The following PRR35 variants were observed in gnomAD, a reference collection of about 807,000 sequenced individuals.
PRR35 encodes proline rich 35, also known as proline-rich protein 35.
PRR35 carries 14 observed loss-of-function variants against 18.6 expected under a neutral mutation model. The observed-to-expected ratio is 0.75, with a 90% confidence interval of 0.50 to 1.18. PRR35 has a LOEUF of 1.18. Among genes scored for constraint, PRR35 ranks in the 50% most tolerant of loss-of-function variants. The pLI, the probability that PRR35 is intolerant of heterozygous loss-of-function variation, is 0.00. For missense variants in PRR35, 832 were observed against 792.2 expected (o/e 1.05, Z -0.60); for synonymous variants, 425 against 378.2 (o/e 1.12, Z -1.43).
In PRR35 at chr16:565,204, C is replaced by T; in HGVS notation, c.1613C>T (p.Pro538Leu). 1 of 1,610,798 alleles carries T rather than the reference C, an allele frequency of 6.2e-7. No individual in the cohort carries two copies. The highest frequency in any genetic ancestry group is 8.5e-7 in the Non-Finnish European group (1 of 1,179,070). The change falls in exon 3 of 3, where the codon CCT becomes CTT. Residue 538 changes from proline to leucine, a missense_variant. Coordinates refer to ENST00000409413, the MANE Select transcript of PRR35 (RefSeq NM_145270.3). ...PGLPLAAPDD[P>L]VIPGSGWGTC... The stretch of plus-strand genomic sequence containing the variant: ...CTCCCCCTCGCAGCCCCAGATGACC[C>T]TGTCATTCCTGGCAGTGGCTGGGGC...
chr16:564,273 G>T lies in PRR35; in HGVS notation c.979G>T (p.Glu327Ter). The T allele has an allele frequency of 6.3e-7, 1 of 1,577,500 alleles. No individual in the cohort carries two copies. The highest frequency in any genetic ancestry group is 1.1e-5 in the South Asian group (1 of 87,166). Reference protein sequence around the residue: ...PRDPGQEGELERAAQSDPRRR... With the variant: ...PRDPGQEGEL ...GGACCCAGGGCAGGAGGGGGAGCTG[G>T]AGCGGGCAGCCCAGAGTGACCCCAG... Residue 327 changes from glutamate (E) to a stop codon, truncating the protein, a stop_gained, in exon 2 of 3, where the codon GAG becomes TAG. Transcript: ENST00000409413. LOFTEE classifies it high-confidence loss of function.
intron 2 of PRR35, 149 bp downstream of exon 2, chr16:564,525 C>T: frequency 7.1e-7 from 1 of 1,406,404 alleles, no homozygotes; most frequent in African/African-American, 1.4e-5. Context: ...GGAACTGAGA[C>T]CCGAGAGCCA....
chr16:564,195 C>A lies in PRR35; in HGVS notation c.901C>A (p.Leu301Met). ...CCCCTCTGGGACTCCGGCTCCTGGC[C>A]TGCTGAAGGTGCCAGTTCCAGGGCT... ...RSPSGTPAPG[L>M]LKVPVPGLGP... The change falls in exon 2 of 3, where the codon CTG becomes ATG. Residue 301 changes from leucine (L) to methionine (M), a missense_variant. Transcript: ENST00000409413. The A allele has an allele frequency of 6.4e-7, 1 of 1,565,568 alleles. No homozygotes were observed. Among genetic ancestry groups the A allele is most frequent in the Non-Finnish European group, 8.6e-7 (1 of 1,161,796 alleles).
At chr16:561,251 C>T in intron 1 of PRR35, among the ~76,000 whole-genome samples, 1 of 152,222 alleles carries the variant, frequency 6.6e-6, no homozygotes, top group Admixed American at 6.5e-5. Flanking sequence ...CCTCCGGGTC[C>T]CCAAGGGGTC....
chr16:563,223 C>T, intron 1 of PRR35, 33 bp from the exon 2 acceptor site: 1 of 1,472,752 alleles, frequency 6.8e-7, no homozygotes, highest in South Asian at 1.3e-5. Context: ...TAGTCAGAGG[C>T]AGGCTTGGCA....
chr16:561,219 A>C (rs1484882987), intron 1 of PRR35, among the ~76,000 whole-genome samples: 1 of 152,158 alleles, frequency 6.6e-6, no homozygotes, highest in Non-Finnish European at 1.5e-5. Context: ...CTGTGTACAC[A>C]CACCAGGTGG....
At position 560,436 on chromosome 16, in the gene PRR35, G is replaced by A; in HGVS notation, c.-265G>A. The A allele has an allele frequency of 3.1e-6, 3 of 983,068 alleles. No homozygotes were observed. The highest frequency in any genetic ancestry group is 2.4e-6 in the Non-Finnish European group (2 of 829,066). The allele number at this position is 983,068 out of a possible 1,614,324, so 60.9% of individuals were successfully genotyped here. On this transcript the variant is annotated 5_prime_UTR_variant, in exon 1 of 3. Transcript: ENST00000409413. Reference sequence around the variant, plus strand: ...GCGGCGTCGGGGGGACGCGGGCGGCGGCGGAGGCTGCGGGAGTCGCTGCCG... The same window carrying A: ...GCGGCGTCGGGGGGACGCGGGCGGCAGCGGAGGCTGCGGGAGTCGCTGCCG...
Position 564,085 on chromosome 16 carries a change from T to C in PRR35, c.791T>C (p.Leu264Pro). 2 of 1,436,594 alleles carry C rather than the reference T, an allele frequency of 1.4e-6. No homozygotes were observed. The highest frequency in any genetic ancestry group is 1.8e-6 in the Non-Finnish European group (2 of 1,092,074). The allele number at this position is 1,436,594 out of a possible 1,614,324, so 89.0% of individuals were successfully genotyped here. Residue 264 changes from leucine (L) to proline (P), a missense_variant, in exon 2 of 3, where the codon CTG (leucine) becomes CCG (proline). Physicochemically the swap from Leu to Pro is moderately conservative, Grantham distance 98. Around this residue, in one of 3 missense-constraint regions of PRR35, gnomAD observed 768 missense variants for 704.1 expected, o/e 1.09. Coordinates refer to ENST00000409413, the MANE Select transcript of PRR35 (RefSeq NM_145270.3). Reference protein sequence around the residue: ...PPQRPTPAPRLYYPLLLEHTL... With the variant: ...PPQRPTPAPRPYYPLLLEHTL... ...CAGCGCCCCACCCCGGCCCCCCGCC[T>C]GTACTACCCGCTGCTTCTGGAGCAC...
Position 565,242 on chromosome 16 carries a change from A to T in PRR35, c.1651A>T (p.Thr551Ser). 1.2e-6 allele frequency: 2 copies of T among 1,602,088 alleles called. No individual in the cohort carries two copies. The highest frequency in any genetic ancestry group is 1.7e-6 in the Non-Finnish European group (2 of 1,174,950). ...CAGTGGCTGGGGCACCTGTGTTGCG[A>T]CGAGGAGTTCCCAGACCCCTGAGGC... is the stretch of plus-strand genomic sequence containing the variant. ...PGSGWGTCVA[T>S]RSSQTPEAVC... The change falls in exon 3 of 3, where the codon ACG (threonine) becomes TCG (serine). Residue 551 changes from threonine to serine, a missense_variant. By Grantham distance (58) the Thr-to-Ser change is moderately conservative. Transcript: ENST00000409413.
chr16:565,482 G>A lies in PRR35; in HGVS notation c.*175G>A, dbSNP rs1439789900. 1.5e-5 allele frequency: 9 copies of A among 581,196 alleles called. No homozygotes were observed. The highest frequency in any genetic ancestry group is 2.2e-5 in the Non-Finnish European group (8 of 365,806). The allele number at this position is 581,196 out of a possible 1,614,324, so 36.0% of individuals were successfully genotyped here. On this transcript the variant is annotated 3_prime_UTR_variant, in exon 3 of 3. Transcript: ENST00000409413. ...CCACACAGGGACACTGGAGGTCACA[G>A]TTATTTATTGATCACAATTGTGGAC...
chr16:563,706 C>A lies in PRR35; in HGVS notation c.412C>A (p.Pro138Thr). ...CCCCAAGTCCAGGGCCAAGGGGTCC[C>A]CAGGGCCACCACCCCCTGTGGCTAG... Reference protein sequence around the residue: ...GGPKSRAKGSPGPPPPVARAT... With the variant: ...GGPKSRAKGSTGPPPPVARAT... Residue 138 changes from proline to threonine, a missense_variant, in exon 2 of 3, where the codon CCA (proline) becomes ACA (threonine). Around this residue, in one of 3 missense-constraint regions of PRR35, gnomAD observed 768 missense variants for 704.1 expected, o/e 1.09. Coordinates refer to ENST00000409413, the MANE Select transcript of PRR35 (RefSeq NM_145270.3). The A allele has an allele frequency of 6.5e-7, 1 of 1,549,910 alleles. No individual in the cohort carries two copies. Among genetic ancestry groups the A allele is most frequent in the East Asian group, 2.4e-5 (1 of 42,026 alleles).
At chr16:563,174 TG>T in intron 1 of PRR35, 81 bp from the exon 2 acceptor site, 1 of 1,331,154 alleles carries the variant, frequency 7.5e-7, no homozygotes, top group Non-Finnish European at 9.9e-7. Context: ...CTCCAGTCCC[TG>T]GAGCCTGGGG....
rs749140020 is a variant in PRR35 at position 564,149 on chromosome 16, G to A, written c.855G>A (p.Lys285=). 2.2e-5 allele frequency: 35 copies of A among 1,571,952 alleles called. No individual in the cohort carries two copies. In the East Asian group the frequency reaches 5.8e-4, roughly 26 times the overall value. ...GLPAGKAALA[K]APVSPRSPSG... is the part of the protein sequence containing the mutation. ...CAGCAGGCAAAGCTGCCCTTGCCAA[G>A]GCCCCTGTCTCCCCCAGGAGCCCCT... Residue 285 remains lysine, a synonymous_variant, in exon 2 of 3, where the codon AAG becomes AAA. Transcript: ENST00000409413.
Position 565,062 on chromosome 16 carries a change from C to T in PRR35, c.1471C>T (p.Pro491Ser). 1 of 1,593,436 alleles carries T rather than the reference C, an allele frequency of 6.3e-7. No homozygotes were observed. The highest frequency in any genetic ancestry group is 8.5e-7 in the Non-Finnish European group (1 of 1,170,112). ...GEAWGRPELG[P>S]VLTGGTPEPP... ...GGCGTGGGGGCGGCCCGAGCTGGGT[C>T]CCGTGTTGACCGGGGGCACCCCCGA... The change falls in exon 3 of 3, where the codon CCC (proline) becomes TCC (serine). Residue 491 changes from proline to serine, a missense_variant. Coordinates refer to ENST00000409413, the MANE Select transcript of PRR35 (RefSeq NM_145270.3).
intron 1 of PRR35, chr16:561,680 G>A: frequency 1.0e-6 from 1 of 961,298 alleles, no homozygotes; most frequent in Non-Finnish European, 1.2e-6. Context: ...CAGCCCTGTT[G>A]GTCGTCCCCC....
Position 563,757 on chromosome 16 carries a change from A to T in PRR35, c.463A>T (p.Ser155Cys). 1 of 1,509,054 alleles carries T rather than the reference A, an allele frequency of 6.6e-7. No homozygotes were observed. The highest frequency in any genetic ancestry group is 1.3e-5 in the South Asian group (1 of 79,204). 93.5% of individuals were successfully genotyped at this position (1,509,054 alleles called of 1,614,324 possible). Residue 155 changes from serine to cysteine, a missense_variant, in exon 2 of 3, where the codon AGT becomes TGT. Around this residue, in one of 3 missense-constraint regions of PRR35, gnomAD observed 768 missense variants for 704.1 expected, o/e 1.09. Coordinates refer to ENST00000409413, the MANE Select transcript of PRR35 (RefSeq NM_145270.3). The stretch of plus-strand genomic sequence containing the variant: ...GGCCACCCGGAAGGGTCCCGGCCCC[A>T]GTGGGCTCCTGCCTGAGTCGTGGAA... ...ARATRKGPGP[S>C]GLLPESWKPG... is the part of the protein sequence containing the mutation.
At chr16:564,547 C>A in intron 2 of PRR35, 127 bp from the exon 3 acceptor site, 1 of 1,399,258 alleles carries the variant, frequency 7.1e-7, no homozygotes, top group South Asian at 1.5e-5. Flanking sequence ...CGCGGGGGTC[C>A]TCGGGGTCTC....
At position 564,162 on chromosome 16, in the gene PRR35, C is replaced by T; in HGVS notation, c.868C>T (p.Pro290Ser). 2.6e-6 allele frequency: 4 copies of T among 1,565,900 alleles called. No individual in the cohort carries two copies. Among genetic ancestry groups the T allele is most frequent in the Non-Finnish European group, 3.4e-6 (4 of 1,162,832 alleles). ...KAALAKAPVS[P>S]RSPSGTPAPG... ...TGCCCTTGCCAAGGCCCCTGTCTCC[C>T]CCAGGAGCCCCTCTGGGACTCCGGC... Residue 290 changes from proline (P) to serine (S), a missense_variant, in exon 2 of 3, where the codon CCC (proline) becomes TCC (serine). Around this residue, in one of 3 missense-constraint regions of PRR35, gnomAD observed 768 missense variants for 704.1 expected, o/e 1.09. Transcript: ENST00000409413.
rs373309786 is a variant in PRR35, at chr16:564,114, C to G, written c.820C>G (p.Leu274Val). 1.1e-5 allele frequency: 18 copies of G among 1,574,174 alleles called. No individual in the cohort carries two copies. Among genetic ancestry groups the G allele is most frequent in the Non-Finnish European group, 1.5e-5 (17 of 1,168,166 alleles). The change falls in exon 2 of 3, where the codon CTG becomes GTG. Residue 274 changes from leucine (L) to valine (V), a missense_variant. Physicochemically the swap from Leu to Val is conservative, Grantham distance 32 (BLOSUM62 1). Around this residue, in one of 3 missense-constraint regions of PRR35, gnomAD observed 768 missense variants for 704.1 expected, o/e 1.09. Coordinates refer to ENST00000409413, the MANE Select transcript of PRR35 (RefSeq NM_145270.3). ...CTACCCGCTGCTTCTGGAGCACACT[C>G]TGGGGCTGCCAGCAGGCAAAGCTGC... is the stretch of plus-strand genomic sequence containing the variant. ...LYYPLLLEHTLGLPAGKAALA... is the reference protein window; with the variant it reads ...LYYPLLLEHTVGLPAGKAALA...
Sources: allele counts gnomAD v4.1 joint callset (sites outside exome capture counted in the v4.1 genomes callset), GRCh38; gene constraint gnomAD v4.1.1; regional missense constraint gnomAD v4.1.1; transcripts MANE v1.5; gene names NCBI Gene and HGNC (gene_info 2026-07-23, HGNC 2026-07-21).